Variants in TBC1D22A observed in about 807,000 individuals in gnomAD.
TBC1D22A encodes putative GTPase activator.
In TBC1D22A, 38 loss-of-function variants were observed where a neutral mutation model predicts 60.2. The ratio of observed to expected loss-of-function variants is 0.63; its 90% CI spans 0.49 to 0.83. The LOEUF is 0.83. Among genes scored for constraint, TBC1D22A ranks in the 40% least tolerant of loss-of-function variants. TBC1D22A has a pLI of 0.00. For missense variants in TBC1D22A, 628 were observed against 701.0 expected (o/e 0.90, Z 1.18); for synonymous variants, 302 against 281.7 (o/e 1.07, Z -0.72).
chr22:46,841,047 G>GGTGTGTGTGTGTGT (rs56029066), intron 4 of TBC1D22A, among the ~76,000 whole-genome samples: 85 of 147,538 alleles, frequency 5.8e-4, no homozygotes, highest in East Asian at 2.4e-3. Context: ...AATGAAAATG[G>GGTGTGTGTGTGTGT]GTGTGTGTGT....
intron 7 of TBC1D22A, among the ~76,000 whole-genome samples, chr22:46,895,206 C>T (rs2068610585): frequency 6.6e-6 from 1 of 152,022 alleles, no homozygotes; most frequent in Non-Finnish European, 1.5e-5. Flanking sequence ...TGTGTATCCC[C>T]CACCCCTGTG....
chr22:47,132,690 G>T (rs978154044), intron 12 of TBC1D22A, among the ~76,000 whole-genome samples: 1 of 152,208 alleles, frequency 6.6e-6, no homozygotes, highest in African/African-American at 2.4e-5. Flanking sequence ...TGTCTGCCAC[G>T]GTTGCTGTGC....
intron 8 of TBC1D22A, among the ~76,000 whole-genome samples, chr22:46,942,043 C>T (rs2072205007): frequency 2.0e-5 from 3 of 146,830 alleles, no homozygotes. Flanking sequence ...TATATATACA[C>T]ACAGTCCACC....
At chr22:46,945,055 G>A (rs1156403296) in intron 8 of TBC1D22A, among the ~76,000 whole-genome samples, 1 of 152,210 alleles carries the variant, frequency 6.6e-6, no homozygotes, top group Non-Finnish European at 1.5e-5. Context: ...CATGCATTTA[G>A]CAACTGAGCC....
chr22:47,011,910 G>A lies in TBC1D22A; in HGVS notation c.1201+14201G>A, dbSNP rs535109151. Among the ~76,000 whole-genome samples the A allele has an allele frequency of 1.1e-4, 16 of 152,118 alleles. No individual in the cohort carries two copies. In the South Asian group the frequency reaches 3.3e-3, roughly 32 times the overall value. On this transcript the variant is annotated intron_variant, in intron 10 of 12. Transcript: ENST00000337137. ...GACAGAATACAATGTTACGTATCTA[G>A]TATAAATGATGAGGATGCTTGCTGA... is the stretch of plus-strand genomic sequence containing the variant.
rs190250322 is a variant in TBC1D22A, at chr22:47,156,310, T to G, written c.1426-17188T>G. Among the ~76,000 whole-genome samples the G allele has an allele frequency of 3.0e-3, 454 of 152,228 alleles. 1 individual carries two copies. Among genetic ancestry groups the G allele is most frequent in the Middle Eastern group, 6.8e-3 (2 of 294 alleles). Reference sequence around the variant, plus strand: ...GTTTCAGGGCCAAGTAGGGACACATTTAGTGGGGACAGCCCCTGTAACCCT... The same window carrying G: ...GTTTCAGGGCCAAGTAGGGACACATGTAGTGGGGACAGCCCCTGTAACCCT... On this transcript the variant is annotated intron_variant, in intron 12 of 12. Transcript: ENST00000337137.
chr22:46,875,490 C>T (rs1364981137), intron 4 of TBC1D22A, among the ~76,000 whole-genome samples: 1 of 152,050 alleles, frequency 6.6e-6, no homozygotes. Context: ...GTCTCACTCC[C>T]ACCCAGACTG....
intron 4 of TBC1D22A, among the ~76,000 whole-genome samples, chr22:46,871,715 A>G (rs563931658): frequency 6.6e-6 from 1 of 152,360 alleles, no homozygotes; most frequent in African/African-American, 2.4e-5. Context: ...TTATACTTTT[A>G]AATGCCTGTA....
At chr22:47,124,501 G>A (rs2066382631) in intron 12 of TBC1D22A, among the ~76,000 whole-genome samples, 4 of 152,232 alleles carry the variant, frequency 2.6e-5, no homozygotes. Context: ...CCTGGCATGG[G>A]CATGCAGGTG....
chr22:46,824,364 T>C (rs2085958366), intron 4 of TBC1D22A, among the ~76,000 whole-genome samples: 1 of 151,974 alleles, frequency 6.6e-6, no homozygotes, highest in Admixed American at 6.6e-5. Context: ...ACCTGATGAT[T>C]TGGGGGCACA....
intron 11 of TBC1D22A, among the ~76,000 whole-genome samples, chr22:47,075,677 A>T (rs1215033222): frequency 6.6e-6 from 1 of 152,214 alleles, no homozygotes; most frequent in Non-Finnish European, 1.5e-5. Context: ...AAAATCATGA[A>T]TAAGATATTT....
intron 4 of TBC1D22A, among the ~76,000 whole-genome samples, chr22:46,849,854 G>A (rs1252679688): frequency 6.6e-6 from 1 of 152,186 alleles, no homozygotes; most frequent in East Asian, 1.9e-4. Flanking sequence ...ATGTGTGGCT[G>A]GTGGATTGCC....
At chr22:47,066,527 G>T (rs989347779) in intron 11 of TBC1D22A, among the ~76,000 whole-genome samples, 5 of 152,248 alleles carry the variant, frequency 3.3e-5, no homozygotes, top group African/African-American at 1.2e-4. Context: ...GCATCCCTTG[G>T]TGAGGGACCA....
intron 12 of TBC1D22A, among the ~76,000 whole-genome samples, chr22:47,121,937 A>C (rs942057149): frequency 1.3e-5 from 2 of 151,976 alleles, no homozygotes; most frequent in East Asian, 3.9e-4. Context: ...CCTGCCCCTC[A>C]GGTGTCCCCA....
intron 11 of TBC1D22A, among the ~76,000 whole-genome samples, chr22:47,101,952 A>G (rs901760390): frequency 6.6e-6 from 1 of 152,176 alleles, no homozygotes; most frequent in Non-Finnish European, 1.5e-5. Flanking sequence ...AGAATATTCC[A>G]CACAATGATG....
At chr22:46,837,411 A>G (rs1452047967) in intron 4 of TBC1D22A, among the ~76,000 whole-genome samples, 1 of 152,208 alleles carries the variant, frequency 6.6e-6, no homozygotes, top group Non-Finnish European at 1.5e-5. Context: ...CAAGATATAG[A>G]CAGACCATTC....
chr22:47,076,361 G>GTATATATATATATATATATATA (rs769322904), intron 11 of TBC1D22A, among the ~76,000 whole-genome samples: 21 of 101,818 alleles, frequency 2.1e-4, no homozygotes, highest in East Asian at 9.3e-4. Flanking sequence ...ATATGTGTGT[G>GTATATATATATATATATATATA]TATATATATA....
intron 11 of TBC1D22A, among the ~76,000 whole-genome samples, chr22:47,082,499 C>A (rs1764927341): frequency 6.6e-6 from 1 of 152,102 alleles, no homozygotes; most frequent in African/African-American, 2.4e-5. Flanking sequence ...GACAAAGTAC[C>A]CATATCCAGG....
intron 9 of TBC1D22A, among the ~76,000 whole-genome samples, chr22:46,977,483 G>A (rs189764039): frequency 2.0e-5 from 3 of 152,092 alleles, no homozygotes; most frequent in Non-Finnish European, 4.4e-5. Context: ...TGATGGAGGC[G>A]AGGACAGAAT....
Sources: allele counts gnomAD v4.1 joint callset (sites outside exome capture counted in the v4.1 genomes callset), GRCh38; gene constraint gnomAD v4.1.1; transcripts MANE v1.5; gene names NCBI Gene and HGNC (gene_info 2026-07-23, HGNC 2026-07-21).